The following ZNF585B variants were observed in gnomAD, a reference collection of about 807,000 sequenced individuals.
ZNF585B encodes zinc finger protein 41-like protein.
ZNF585B carries 7 observed loss-of-function variants against 14.0 expected under a neutral mutation model. The ratio of observed to expected loss-of-function variants is 0.50; its 90% confidence interval spans 0.28 to 0.94. The LOEUF (loss-of-function observed/expected upper bound fraction) is 0.94. Among genes scored for constraint, ZNF585B ranks in the 40% least tolerant of loss-of-function variants. ZNF585B has a pLI of 0.09. For missense variants in ZNF585B, 750 were observed against 924.4 expected, an observed-to-expected ratio of 0.81 and a Z score of 2.45; for synonymous variants, 290 against 317.3, an observed-to-expected ratio of 0.91 and a Z score of 0.91.
chr19:37,191,162 T>C (rs924318031), intron 2 of ZNF585B, among the ~76,000 whole-genome samples: 1 of 152,178 alleles, frequency 6.6e-6, no homozygotes, highest in African/African-American at 2.4e-5. Context: ...TTTAGTACAA[T>C]ACAAATAAAT....
At chr19:37,191,538 A>T (rs544511219) in intron 2 of ZNF585B, among the ~76,000 whole-genome samples, 114 of 151,976 alleles carry the variant, frequency 7.5e-4, no homozygotes, top group Middle Eastern at 3.4e-3. Flanking sequence ...GAATCACTTG[A>T]ACTTGGGAGG....
At chr19:37,208,790 G>A (rs1378918529) in intron 1 of ZNF585B, among the ~76,000 whole-genome samples, 7 of 152,084 alleles carry the variant, frequency 4.6e-5, no homozygotes, top group South Asian at 2.1e-4. Context: ...CCAGGAGTTC[G>A]AGACCAGCCT....
At chr19:37,191,899 G>A (rs368404056) in intron 2 of ZNF585B, among the ~76,000 whole-genome samples, 4 of 151,962 alleles carry the variant, frequency 2.6e-5, no homozygotes, top group Admixed American at 1.3e-4. Flanking sequence ...CGGGCATGGC[G>A]AGCACCTGTA....
rs1269146847 is a variant in ZNF585B, at chr19:37,207,138, G to C, written c.-27C>G. 6.2e-7 allele frequency: 1 copy of C among 1,613,734 alleles called. No individual in the cohort carries two copies. Among genetic ancestry groups the C allele is most frequent in the Admixed American group, 1.7e-5 (1 of 60,014 alleles). ...GCCACACTGGATCTCAACCCTTTTT[G>C]TCTAGGGTGCCTGAAGTTTAGTGGT... On this transcript the variant is annotated 5_prime_UTR_variant, in exon 2 of 5. Coordinates refer to ENST00000532828, the MANE Select transcript of ZNF585B (RefSeq NM_152279.4).
chr19:37,192,318 G>A (rs1453540162), intron 2 of ZNF585B, among the ~76,000 whole-genome samples: 1 of 152,162 alleles, frequency 6.6e-6, no homozygotes, highest in Non-Finnish European at 1.5e-5. Flanking sequence ...CATTCTACAT[G>A]AGGAAATAAG....
chr19:37,190,226 C>T, intron 2 of ZNF585B, 76 bp from the exon 3 acceptor site: 2 of 1,570,524 alleles, frequency 1.3e-6, no homozygotes, highest in South Asian at 1.2e-5. Context: ...GATTACGGAA[C>T]ATGGGTTTTG....
intron 2 of ZNF585B, among the ~76,000 whole-genome samples, chr19:37,206,141 G>T (rs1049879584): frequency 2.7e-5 from 4 of 150,660 alleles, no homozygotes; most frequent in African/African-American, 9.8e-5. Flanking sequence ...ATAAGAACGG[G>T]ATGGCAATAA....
chr19:37,207,074 G>A lies in ZNF585B; in HGVS notation c.38C>T (p.Ala13Val). The A allele has an allele frequency of 6.2e-7, 1 of 1,614,156 alleles. No individual in the cohort carries two copies. The highest frequency in any genetic ancestry group is 8.5e-7 in the Non-Finnish European group (1 of 1,180,028). ...ASWTSPQKSS[A>V]LAPEDHGSSY... ...GCTGCCATGATCCTCTGGAGCCAGG[G>A]CTGAGGATTTCTGGGGTGAGGTCCA... Residue 13 changes from alanine (A) to valine (V), a missense_variant, in exon 2 of 5, where the codon GCC (alanine) becomes GTC (valine). Ala to Val is a moderately conservative substitution (Grantham distance 64, BLOSUM62 0). This residue lies in a region of ZNF585B where 517 missense variants were observed against 570.3 expected (regional missense o/e 0.91). Coordinates refer to ENST00000532828, the MANE Select transcript of ZNF585B (RefSeq NM_152279.4).
At chr19:37,198,679 T>C (rs1972496919) in intron 2 of ZNF585B, among the ~76,000 whole-genome samples, 1 of 147,710 alleles carries the variant, frequency 6.8e-6, no homozygotes, top group Admixed American at 6.9e-5. Flanking sequence ...GAGGTTGCAG[T>C]GAGCCGAGAT....
intron 2 of ZNF585B, chr19:37,199,144 C>T (rs1178671086): frequency 3.3e-6 from 2 of 612,432 alleles, no homozygotes; most frequent in Non-Finnish European, 5.5e-6. Context: ...AACCCCCAAA[C>T]CCTATGTTAT....
chr19:37,186,705 C>T lies in ZNF585B; in HGVS notation c.832G>A (p.Ala278Thr). The T allele has an allele frequency of 3.1e-6, 5 of 1,614,148 alleles. No individual in the cohort carries two copies. The highest frequency in any genetic ancestry group is 4.2e-6 in the Non-Finnish European group (5 of 1,180,034). Residue 278 changes from alanine (A) to threonine (T), a missense_variant, in exon 5 of 5, where the codon GCC (alanine) becomes ACC (threonine). By Grantham distance (58) the Ala-to-Thr change is moderately conservative. Transcript: ENST00000532828. ...RSYICIECGQ[A>T]FIQKTQLIAH... ...ATCAATTGTGTTTTCTGGATGAAGGCCTGCCCGCATTCAATACAGATGTAG... is the reference window on the plus strand; with the variant it reads ...ATCAATTGTGTTTTCTGGATGAAGGTCTGCCCGCATTCAATACAGATGTAG...
intron 2 of ZNF585B, among the ~76,000 whole-genome samples, chr19:37,206,241 C>CAGG (rs1311104809): frequency 6.6e-6 from 1 of 151,908 alleles, no homozygotes; most frequent in African/African-American, 2.4e-5. Context: ...CACCTGAGAT[C>CAGG]AGGAGTTCGA....
chr19:37,185,263 T>C lies in ZNF585B; in HGVS notation c.2274A>G (p.Lys758=), dbSNP rs1382121792. The stretch of plus-strand genomic sequence containing the variant: ...TGCTCTGATGAACACTGAACACTGA[T>C]TTCTGAACGAAGCCTTTCCCACAGA... ...CGICGKGFVQ[K]SVFSVHQSSH... The change falls in exon 5 of 5, where the codon AAA becomes AAG. Residue 758 remains lysine (K), a synonymous_variant. Coordinates refer to ENST00000532828, the MANE Select transcript of ZNF585B (RefSeq NM_152279.4). 1 of 1,613,996 alleles carries C rather than the reference T, an allele frequency of 6.2e-7. No homozygotes were observed. The highest frequency in any genetic ancestry group is 8.5e-7 in the Non-Finnish European group (1 of 1,179,894).
intron 1 of ZNF585B, 105 bp downstream of exon 1, chr19:37,210,336 A>G (rs1321380530): frequency 1.3e-5 from 2 of 152,214 alleles, no homozygotes; most frequent in East Asian, 3.9e-4. Flanking sequence ...GACAACCATC[A>G]ACGGACGTCA....
At chr19:37,197,328 G>A (rs1972477958) in intron 2 of ZNF585B, among the ~76,000 whole-genome samples, 1 of 152,108 alleles carries the variant, frequency 6.6e-6, no homozygotes, top group Non-Finnish European at 1.5e-5. Flanking sequence ...TTTTATGGCT[G>A]CATAGTATTC....
chr19:37,186,571 T>A lies in ZNF585B; in HGVS notation c.966A>T (p.Arg322Ser). The A allele has an allele frequency of 6.2e-7, 1 of 1,614,240 alleles. No individual in the cohort carries two copies. Among genetic ancestry groups the A allele is most frequent in the African/African-American group, 1.3e-5 (1 of 75,064 alleles). Reference protein sequence around the residue: ...QLQVHQRVHTRVKPYICTEYG... With the variant: ...QLQVHQRVHTSVKPYICTEYG... ...ATTCGGTACATATATAGGGCTTCAC[T>A]CTTGTGTGAACACGTTGATGTACCT... Residue 322 changes from arginine (R) to serine (S), a missense_variant, in exon 5 of 5, where the codon AGA (arginine) becomes AGT (serine). Physicochemically the swap from Arg to Ser is moderately radical, Grantham distance 110 (BLOSUM62 -1). Coordinates refer to ENST00000532828, the MANE Select transcript of ZNF585B (RefSeq NM_152279.4).
chr19:37,208,782 A>T (rs1447218224), intron 1 of ZNF585B, among the ~76,000 whole-genome samples: 1 of 152,208 alleles, frequency 6.6e-6, no homozygotes, highest in African/African-American at 2.4e-5. Context: ...ACTTGAGGCC[A>T]GGAGTTCGAG....
chr19:37,199,133 C>A, intron 2 of ZNF585B: 1 of 689,776 alleles, frequency 1.4e-6, no homozygotes, highest in Non-Finnish European at 2.4e-6. Context: ...CCAAACTCCC[C>A]AACCCCCAAA....
At position 37,187,077 on chromosome 19, in the gene ZNF585B, C is replaced by T. The variant is rs775467627; in HGVS notation, c.460G>A (p.Gly154Arg). The T allele has an allele frequency of 1.2e-6, 2 of 1,613,914 alleles. No homozygotes were observed. The highest frequency in any genetic ancestry group is 1.7e-6 in the Non-Finnish European group (2 of 1,179,974). The change falls in exon 5 of 5, where the codon GGA becomes AGA. Residue 154 changes from glycine (G) to arginine (R), a missense_variant. By Grantham distance (125) the Gly-to-Arg change is moderately radical. Coordinates refer to ENST00000532828, the MANE Select transcript of ZNF585B (RefSeq NM_152279.4). ...QFKVHLKVPT[G>R]EKLYVCIECG... Reference sequence around the variant, plus strand: ...TCAATACATACATAGAGTTTTTCTCCTGTAGGAACTTTCAGATGTACCTTG... The same window carrying T: ...TCAATACATACATAGAGTTTTTCTCTTGTAGGAACTTTCAGATGTACCTTG...
Sources: allele counts gnomAD v4.1 joint callset (sites outside exome capture counted in the v4.1 genomes callset), GRCh38; gene constraint gnomAD v4.1.1; regional missense constraint gnomAD v4.1.1; transcripts MANE v1.5; gene names NCBI Gene and HGNC (gene_info 2026-07-23, HGNC 2026-07-21).